GRID2: variants seen among roughly 807,000 people sequenced by gnomAD.
GRID2 encodes the protein glutamate ionotropic receptor delta type subunit 2, also known as glutamate receptor ionotropic, delta-2.
GRID2 carries 33 observed loss-of-function variants against 114.8 expected under a neutral mutation model. The ratio of observed to expected loss-of-function variants is 0.29; its 90% CI spans 0.22 to 0.38. The LOEUF (loss-of-function observed/expected upper bound fraction) is 0.38, where lower values mean the gene tolerates loss of function less well. Ranked by LOEUF, GRID2 falls within the 10% of genes least tolerant of loss-of-function variation. GRID2 has a pLI of 1.00. For missense variants in GRID2, 1,184 were observed against 1,257.7 expected (o/e 0.94, Z 0.89); for synonymous variants, 505 against 449.9 (o/e 1.12, Z -1.55).
At chr4:92,370,166 G>T (rs1477811820) in intron 1 of GRID2, among the ~76,000 whole-genome samples, 2 of 151,830 alleles carry the variant, frequency 1.3e-5, no homozygotes, top group Admixed American at 6.6e-5. Context: ...CATTATATCT[G>T]TTATGGTGAT....
At chr4:93,112,805 T>C (rs965677225) in intron 4 of GRID2, among the ~76,000 whole-genome samples, 1 of 152,166 alleles carries the variant, frequency 6.6e-6, no homozygotes, top group African/African-American at 2.4e-5. Context: ...CCTCCTTGGC[T>C]TGTAGATGAA....
chr4:93,479,683 A>G (rs1249712415), intron 11 of GRID2, among the ~76,000 whole-genome samples: 4 of 152,110 alleles, frequency 2.6e-5, no homozygotes, highest in Non-Finnish European at 4.4e-5. Flanking sequence ...TTTTAGCTCC[A>G]GGAGACATAG....
intron 8 of GRID2, among the ~76,000 whole-genome samples, chr4:93,368,448 A>AAC (rs1762553285): frequency 6.6e-6 from 1 of 152,082 alleles, no homozygotes. Flanking sequence ...ACATGTGCAC[A>AAC]ACATGCAGGT....
At chr4:93,800,329 C>G (rs1045607154) in intron 1 of GRID2, among the ~76,000 whole-genome samples, 3 of 152,098 alleles carry the variant, frequency 2.0e-5, no homozygotes, top group Admixed American at 6.5e-5. Flanking sequence ...ATGATATGAC[C>G]CTTTCTGGGC....
intron 1 of GRID2, among the ~76,000 whole-genome samples, chr4:92,549,567 A>G (rs894498630): frequency 6.6e-6 from 1 of 152,184 alleles, no homozygotes; most frequent in Non-Finnish European, 1.5e-5. Context: ...AAAGGGACTG[A>G]GGGCTATTTA....
intron 4 of GRID2, among the ~76,000 whole-genome samples, chr4:93,142,387 T>C (rs1371985286): frequency 6.6e-6 from 1 of 152,152 alleles, no homozygotes; most frequent in Non-Finnish European, 1.5e-5. Flanking sequence ...GAAGAAATGG[T>C]GTCTGGTGAG....
intron 1 of GRID2, among the ~76,000 whole-genome samples, chr4:93,799,542 C>T (rs773891169): frequency 6.6e-6 from 1 of 151,736 alleles, no homozygotes; most frequent in Non-Finnish European, 1.5e-5. Context: ...AGCCAAGTGA[C>T]TACTGATTTT....
intron 2 of GRID2, among the ~76,000 whole-genome samples, chr4:92,616,061 TATC>T (rs1475975192): frequency 6.6e-6 from 1 of 151,638 alleles, no homozygotes; most frequent in African/African-American, 2.4e-5. Flanking sequence ...CCCACATAAT[TATC>T]TTTTCCATTT....
chr4:92,985,136 G>A (rs1006287439), intron 2 of GRID2, among the ~76,000 whole-genome samples: 2 of 151,732 alleles, frequency 1.3e-5, no homozygotes, highest in Non-Finnish European at 2.9e-5. Flanking sequence ...TCCAATGATA[G>A]TCTCATCTGC....
chr4:92,579,351 C>T (rs1348294448), intron 1 of GRID2, among the ~76,000 whole-genome samples: 1 of 151,948 alleles, frequency 6.6e-6, no homozygotes, highest in African/African-American at 2.4e-5. Context: ...CTCTTTCCAG[C>T]TCTTTTTTGT....
At chr4:93,655,466 C>T (rs1034447123) in intron 14 of GRID2, among the ~76,000 whole-genome samples, 1 of 151,674 alleles carries the variant, frequency 6.6e-6, no homozygotes, top group Non-Finnish European at 1.5e-5. Context: ...AAAATCATTT[C>T]TTTTTTTAAA....
intron 14 of GRID2, among the ~76,000 whole-genome samples, chr4:93,729,009 G>T (rs991715170): frequency 6.6e-6 from 1 of 152,142 alleles, no homozygotes; most frequent in African/African-American, 2.4e-5. Context: ...ATCATTATGT[G>T]TGAATTTGAT....
At chr4:92,512,354 T>TGTGA (rs1309471585) in intron 1 of GRID2, among the ~76,000 whole-genome samples, 2 of 151,910 alleles carry the variant, frequency 1.3e-5, no homozygotes, top group Admixed American at 1.3e-4. Context: ...TATTCATTCA[T>TGTGA]GTGAGTTCAT....
intron 3 of GRID2, among the ~76,000 whole-genome samples, chr4:93,098,989 C>G (rs1452915185): frequency 2.9e-5 from 4 of 138,908 alleles, no homozygotes; most frequent in South Asian, 2.4e-4. Flanking sequence ...AGATCATTTC[C>G]TGTGTGTGTG....
At chr4:93,761,635 T>C (rs1486488913) in intron 14 of GRID2, among the ~76,000 whole-genome samples, 1 of 152,180 alleles carries the variant, frequency 6.6e-6, no homozygotes, top group Non-Finnish European at 1.5e-5. Context: ...ACTATTAACC[T>C]ATATGATAGA....
intron 14 of GRID2, among the ~76,000 whole-genome samples, chr4:93,711,002 G>A (rs1489569458): frequency 6.6e-6 from 1 of 151,972 alleles, no homozygotes; most frequent in Non-Finnish European, 1.5e-5. Flanking sequence ...TCTCACCCAG[G>A]GCAGCTGTAG....
chr4:93,664,831 T>C (rs1488246676), intron 14 of GRID2, among the ~76,000 whole-genome samples: 1 of 152,172 alleles, frequency 6.6e-6, no homozygotes, highest in Non-Finnish European at 1.5e-5. Context: ...TAGAACCTAA[T>C]GTGTAAGTTA....
chr4:92,648,388 A>C (rs2149259564), intron 2 of GRID2, among the ~76,000 whole-genome samples: 1 of 149,712 alleles, frequency 6.7e-6, no homozygotes, highest in Non-Finnish European at 1.5e-5. Context: ...ATGTAAAAGT[A>C]GTTACATTTC....
At chr4:93,161,110 A>C (rs1324756758) in intron 4 of GRID2, among the ~76,000 whole-genome samples, 1 of 151,876 alleles carries the variant, frequency 6.6e-6, no homozygotes, top group African/African-American at 2.4e-5. Flanking sequence ...AGTCTTTGAC[A>C]AAAGTTATTC....
Sources: allele counts gnomAD v4.1 joint callset (sites outside exome capture counted in the v4.1 genomes callset), GRCh38; gene constraint gnomAD v4.1.1; transcripts MANE v1.5; gene names NCBI Gene and HGNC (gene_info 2026-07-23, HGNC 2026-07-21).